Variants in DAB1 observed in about 807,000 individuals in gnomAD.
DAB1 encodes the protein DAB adaptor protein 1.
Under a neutral mutation model 64.6 loss-of-function variants are expected in DAB1, and 15 were observed. That is an observed-to-expected ratio of 0.23 (90% CI 0.16 to 0.36). The LOEUF (loss-of-function observed/expected upper bound fraction) is 0.36. Ranked by LOEUF, DAB1 falls within the 10% of genes least tolerant of loss-of-function variation. The pLI, the probability that DAB1 is intolerant of heterozygous loss-of-function variation, is 1.00. For synonymous variants in DAB1, 235 were observed against 251.9 expected (o/e 0.93, Z 0.64); for missense variants, 596 against 706.7 (o/e 0.84, Z 1.78).
intron 5 of DAB1, among the ~76,000 whole-genome samples, chr1:58,013,929 TAAG>T (rs1176009172): frequency 6.6e-5 from 10 of 151,022 alleles, no homozygotes; most frequent in Non-Finnish European, 1.2e-4. Flanking sequence ...GACTGTAGTA[TAAG>T]AATTCACCAG....
chr1:58,499,579 A>G (rs1013976229), intron 3 of DAB1, among the ~76,000 whole-genome samples: 3 of 152,050 alleles, frequency 2.0e-5, no homozygotes, highest in African/African-American at 4.8e-5. Context: ...GAGATCTACT[A>G]CACAGCATTG....
At chr1:57,426,874 A>ATATATATTTT (rs57970737), upstream of DAB1, among the ~76,000 whole-genome samples, 697 of 149,270 alleles carry the variant, frequency 4.7e-3, 8 homozygotes, top group Middle Eastern at 6.9e-3. Context: ...ATATATATAT[A>ATATATATTTT]TTTTTTTGAG....
intron 6 of DAB1, among the ~76,000 whole-genome samples, chr1:57,669,357 A>G (rs1646484124): frequency 6.6e-6 from 1 of 152,162 alleles, no homozygotes; most frequent in Non-Finnish European, 1.5e-5. Flanking sequence ...TCACTACTAT[A>G]AGAATGTATA....
chr1:57,179,104 C>T (rs900150393), intron 2 of DAB1, among the ~76,000 whole-genome samples: 4 of 152,082 alleles, frequency 2.6e-5, no homozygotes, highest in African/African-American at 4.8e-5. Flanking sequence ...GACCTTCAAC[C>T]TCATTTAGAA....
intron 5 of DAB1, among the ~76,000 whole-genome samples, chr1:58,148,856 A>C (rs1654766462): frequency 6.6e-6 from 1 of 152,148 alleles, no homozygotes; most frequent in Admixed American, 6.5e-5. Context: ...GCTACAATTC[A>C]AGATGATATT....
intron 6 of DAB1, among the ~76,000 whole-genome samples, chr1:57,809,290 A>G (rs1468777619): frequency 6.6e-6 from 1 of 152,206 alleles, no homozygotes; most frequent in Non-Finnish European, 1.5e-5. Context: ...TCACTAAGAA[A>G]TACTATTAAT....
chr1:58,126,696 AGAAT>A (rs1368799751), intron 5 of DAB1, among the ~76,000 whole-genome samples: 2 of 145,502 alleles, frequency 1.4e-5, no homozygotes, highest in African/African-American at 5.1e-5. Context: ...CCTAGGAGTG[AGAAT>A]ATGCGGTGTT....
At chr1:57,812,963 C>T (rs17473566) in intron 6 of DAB1, among the ~76,000 whole-genome samples, 5,616 of 152,182 alleles carry the variant, frequency 0.037, 235 homozygotes, top group Admixed American at 0.14. Context: ...CACTACCACA[C>T]GTATAAAACT....
chr1:57,272,295 C>A (rs1278842587), intron 2 of DAB1, among the ~76,000 whole-genome samples: 1 of 152,190 alleles, frequency 6.6e-6, no homozygotes, highest in Non-Finnish European at 1.5e-5. Context: ...GCTGTAACTT[C>A]TTAAAAGGCA....
chr1:57,173,456 T>C (rs1436457270), intron 2 of DAB1, among the ~76,000 whole-genome samples: 4 of 152,220 alleles, frequency 2.6e-5, no homozygotes, highest in Non-Finnish European at 4.4e-5. Context: ...TAAGTTATTA[T>C]ATGAAACATA....
At chr1:57,271,343 C>T (rs1415452758) in intron 2 of DAB1, among the ~76,000 whole-genome samples, 1 of 152,196 alleles carries the variant, frequency 6.6e-6, no homozygotes, top group African/African-American at 2.4e-5. Context: ...TGCCTCTGTC[C>T]TCACTGGTGT....
intron 5 of DAB1, among the ~76,000 whole-genome samples, chr1:58,091,891 G>GA (rs1650679250): frequency 1.3e-5 from 2 of 148,728 alleles, no homozygotes; most frequent in South Asian, 4.3e-4. Flanking sequence ...ATGAACTCCT[G>GA]ATTTTTTTTT....
intron 7 of DAB1, among the ~76,000 whole-genome samples, chr1:57,617,373 C>T (rs1645802326): frequency 6.6e-6 from 1 of 152,032 alleles, no homozygotes; most frequent in South Asian, 2.1e-4. Flanking sequence ...TAACTTTCTA[C>T]TCTGCCTTCA....
intron 1 of DAB1, among the ~76,000 whole-genome samples, chr1:57,302,603 T>C (rs921805953): frequency 6.6e-6 from 1 of 152,136 alleles, no homozygotes; most frequent in African/African-American, 2.4e-5. Flanking sequence ...TGGGATTTTT[T>C]TTTTTATTTT....
chr1:57,439,240 G>A (rs1204207471), intron 7 of DAB1, among the ~76,000 whole-genome samples: 1 of 152,020 alleles, frequency 6.6e-6, no homozygotes, highest in African/African-American at 2.4e-5. Flanking sequence ...ACCCCAAGGA[G>A]ATCAACACAG....
intron 6 of DAB1, among the ~76,000 whole-genome samples, chr1:57,777,375 C>G (rs1343893448): frequency 8.9e-6 from 1 of 112,824 alleles, no homozygotes; most frequent in African/African-American, 3.4e-5. Context: ...TGTCAGCCAT[C>G]ATTCAAATAA....
chr1:57,937,228 AGGGAAGGGACCCAAC>A (rs1645039186), intron 5 of DAB1, among the ~76,000 whole-genome samples: 2 of 152,050 alleles, frequency 1.3e-5, no homozygotes, highest in Non-Finnish European at 2.9e-5. Context: ...TGAGCCAAGG[AGGGAAGGGACCCAAC>A]GGGATTCCTC....
chr1:57,269,463 G>A (rs897651477), intron 2 of DAB1, among the ~76,000 whole-genome samples: 1 of 151,996 alleles, frequency 6.6e-6, no homozygotes, highest in Non-Finnish European at 1.5e-5. Context: ...TTTGGTAAGA[G>A]CCCCCTGAAG....
intron 5 of DAB1, among the ~76,000 whole-genome samples, chr1:57,950,599 A>G (rs1172439119): frequency 1.3e-5 from 2 of 150,852 alleles, no homozygotes; most frequent in Middle Eastern, 3.4e-3. Context: ...TTCATACTGC[A>G]AAGTTCTGGA....
Sources: gnomAD v4.1 joint callset for allele counts (sites outside exome capture counted in the v4.1 genomes callset) on GRCh38, gnomAD v4.1.1 for gene constraint, MANE v1.5 for transcripts, NCBI Gene and HGNC (gene_info 2026-07-23, HGNC 2026-07-21) for gene names.